The following ST8SIA1 variants were observed in gnomAD, a reference collection of about 807,000 sequenced individuals.
ST8SIA1 encodes the protein ST8 alpha-N-acetyl-neuraminide alpha-2,8-sialyltransferase 1, also known as alpha-N-acetylneuraminide alpha-2,8-sialyltransferase.
A neutral mutation model predicts 35.9 loss-of-function variants in ST8SIA1; 16 were observed. The observed-to-expected ratio is 0.45, with a 90% CI of 0.30 to 0.68. The LOEUF is 0.68. Among genes scored for constraint, ST8SIA1 ranks in the 30% least tolerant of loss-of-function variants. The probability of loss-of-function intolerance (pLI) is 0.09; values close to 1 mark genes in which losing one functional copy is unlikely to be tolerated. For synonymous variants in ST8SIA1, 170 were observed against 169.6 expected, an observed-to-expected ratio of 1.00 and a Z score of -0.02; for missense variants, 383 against 453.6, an observed-to-expected ratio of 0.84 and a Z score of 1.41.
intron 3 of ST8SIA1, among the ~76,000 whole-genome samples, chr12:22,251,993 A>G (rs1457772974): frequency 6.6e-6 from 1 of 152,188 alleles, no homozygotes; most frequent in Non-Finnish European, 1.5e-5. Flanking sequence ...GTTCCTTTTG[A>G]GGATGCAATC....
intron 3 of ST8SIA1, among the ~76,000 whole-genome samples, chr12:22,249,925 C>T (rs1367720433): frequency 6.6e-6 from 1 of 152,144 alleles, no homozygotes; most frequent in African/African-American, 2.4e-5. Flanking sequence ...GGGCCATGTA[C>T]TATTCACTTA....
intron 2 of ST8SIA1, among the ~76,000 whole-genome samples, chr12:22,274,077 C>T (rs1865942465): frequency 6.6e-6 from 1 of 152,110 alleles, no homozygotes; most frequent in Non-Finnish European, 1.5e-5. Context: ...ATGTGGAAAA[C>T]CTCTACAGAA....
chr12:22,202,152 A>G lies in ST8SIA1; in HGVS notation c.585-114T>C, dbSNP rs563075410. The stretch of plus-strand genomic sequence containing the variant: ...ACCTCAAATCATCTCAATGAAACAC[A>G]TGAAAAACACTTTATTTGTATTTAA... On this transcript the variant is annotated intron_variant, in intron 4 of 4. Coordinates refer to ENST00000396037, the MANE Select transcript of ST8SIA1 (RefSeq NM_003034.4). 38 of 857,640 alleles carry G rather than the reference A, an allele frequency of 4.4e-5. No homozygotes were observed. In the East Asian group the frequency reaches 9.2e-4, roughly 21 times the overall value. 53.1% of individuals were successfully genotyped at this position (857,640 alleles called of 1,614,324 possible). A position where few individuals can be genotyped will look rare whatever the true frequency, so the allele number is the denominator to read the frequency against.
At chr12:22,233,930 T>A (rs200444117) in intron 4 of ST8SIA1, among the ~76,000 whole-genome samples, 1 of 61,484 alleles carries the variant, frequency 1.6e-5, no homozygotes, top group Non-Finnish European at 3.3e-5. Context: ...ATTGGCAGAT[T>A]TTTTTGTTTA....
chr12:22,246,346 T>C (rs1865601698), intron 4 of ST8SIA1, among the ~76,000 whole-genome samples: 1 of 152,196 alleles, frequency 6.6e-6, no homozygotes, highest in East Asian at 1.9e-4. Flanking sequence ...TGTTGATTAT[T>C]CTGGGAAAAC....
chr12:22,201,878 G>A lies in ST8SIA1; in HGVS notation c.745C>T (p.Leu249=). ...LSDVGANQTV[L]FANPNFLRSI... ...CGCAGAAAGTTGGGGTTGGCAAACA[G>A]CACTGTTTGATTGGCACCAACATCT... The change falls in exon 5 of 5, where the codon CTG becomes TTG. Residue 249 remains leucine (L), a synonymous_variant. Coordinates refer to ENST00000396037, the MANE Select transcript of ST8SIA1 (RefSeq NM_003034.4). 6.2e-7 allele frequency: 1 copy of A among 1,614,128 alleles called. No homozygotes were observed. Among genetic ancestry groups the A allele is most frequent in the South Asian group, 1.1e-5 (1 of 91,088 alleles).
intron 1 of ST8SIA1, among the ~76,000 whole-genome samples, chr12:22,331,582 CT>C (rs1463950714): frequency 6.6e-6 from 1 of 152,158 alleles, no homozygotes; most frequent in African/African-American, 2.4e-5. Context: ...AAAGTTGTGT[CT>C]CCTTAACATG....
rs2120579484 is a variant in ST8SIA1, at chr12:22,194,790, A to C, written c.*6762T>G. 1 of 152,352 alleles carries C rather than the reference A, an allele frequency of 6.6e-6. No individual in the cohort carries two copies. Among genetic ancestry groups the C allele is most frequent in the Admixed American group, 6.5e-5 (1 of 15,300 alleles). The allele number at this position is 152,352 out of a possible 1,614,324, so 9.4% of individuals were successfully genotyped here. A position where few individuals can be genotyped will look rare whatever the true frequency, so the allele number is the denominator to read the frequency against. On this transcript the variant is annotated 3_prime_UTR_variant, in exon 5 of 5. Transcript: ENST00000396037. The stretch of plus-strand genomic sequence containing the variant: ...CCCACTTTCCAAGGGTGAGGGTCAA[A>C]GTGACACTTGCTGCTATCACTGCCT...
intron 1 of ST8SIA1, chr12:22,326,336 C>T (rs894775236): frequency 6.5e-6 from 1 of 154,642 alleles, no homozygotes; most frequent in Non-Finnish European, 1.4e-5. Context: ...ACCCTCAGCA[C>T]TAACTCTGTG....
chr12:22,217,280 A>G (rs1368773225), intron 4 of ST8SIA1, among the ~76,000 whole-genome samples: 6 of 152,220 alleles, frequency 3.9e-5, no homozygotes, highest in Admixed American at 6.5e-5. Context: ...AATTAAGGCC[A>G]TACTAAACTT....
intron 4 of ST8SIA1, among the ~76,000 whole-genome samples, chr12:22,203,828 T>C (rs75483946): frequency 6.6e-6 from 1 of 152,116 alleles, no homozygotes; most frequent in Non-Finnish European, 1.5e-5. Context: ...ACTGTGTAGA[T>C]AACCTGCTAC....
chr12:22,308,257 G>T lies in ST8SIA1; in HGVS notation c.237-20964C>A, dbSNP rs73257805. ...AACTTTTAAGAGCTATTAAAAATTT[G>T]AAAGTTATAGATGCTTGTTATAGAA... On this transcript the variant is annotated intron_variant, in intron 1 of 4. Transcript: ENST00000396037. Among the ~76,000 whole-genome samples the T allele has an allele frequency of 4.4e-4, 67 of 152,208 alleles. 1 individual carries two copies. Among genetic ancestry groups the T allele is most frequent in the African/African-American group, 1.6e-3 (65 of 41,522 alleles).
intron 1 of ST8SIA1, among the ~76,000 whole-genome samples, chr12:22,295,542 G>T (rs2135821589): frequency 6.6e-6 from 1 of 152,058 alleles, no homozygotes; most frequent in South Asian, 2.1e-4. Flanking sequence ...AGACCAGCCT[G>T]GGCAACATGG....
intron 4 of ST8SIA1, among the ~76,000 whole-genome samples, chr12:22,246,695 G>C (rs377206226): frequency 6.6e-6 from 1 of 152,026 alleles, no homozygotes; most frequent in Non-Finnish European, 1.5e-5. Flanking sequence ...TTGAGAGCAC[G>C]GGCTTTGGAA....
At chr12:22,303,889 A>ACACACAC (rs1273666783) in intron 1 of ST8SIA1, among the ~76,000 whole-genome samples, 2 of 107,812 alleles carry the variant, frequency 1.9e-5, no homozygotes, top group Non-Finnish European at 4.0e-5. Context: ...CACACACACA[A>ACACACAC]AAGTGGTGTG....
rs545696924 is a variant in ST8SIA1, at chr12:22,233,368, A to AT, written c.584+15637dup. On this transcript the variant is annotated intron_variant, in intron 4 of 4. Coordinates refer to ENST00000396037, the MANE Select transcript of ST8SIA1 (RefSeq NM_003034.4). ...TAAGAGTAGAGTACTGTGGTGGTGT[A>AT]TTTTTTTTTTTAACATTTACTGAGC... Among the ~76,000 whole-genome samples the AT allele has an allele frequency of 2.9e-3, 422 of 147,672 alleles. 1 individual carries two copies. Among genetic ancestry groups the AT allele is most frequent in the African/African-American group, 8.3e-3 (334 of 40,454 alleles).
In ST8SIA1 at chr12:22,193,915, C is replaced by T. The variant is rs951595864; in HGVS notation, c.*7637G>A. ...CTTAACTCCAGCCTCAAACTTTGCT[C>T]TTGAGAAATAGTTTGCACACATGTG... On this transcript the variant is annotated 3_prime_UTR_variant, in exon 5 of 5. Coordinates refer to ENST00000396037, the MANE Select transcript of ST8SIA1 (RefSeq NM_003034.4). 1 of 152,116 alleles carries T rather than the reference C, an allele frequency of 6.6e-6. No individual in the cohort carries two copies. The highest frequency in any genetic ancestry group is 2.4e-5 in the African/African-American group (1 of 41,420). 9.4% of individuals were successfully genotyped at this position (152,116 alleles called of 1,614,324 possible).
intron 4 of ST8SIA1, among the ~76,000 whole-genome samples, chr12:22,207,269 T>A (rs961062626): frequency 4.6e-5 from 7 of 152,246 alleles, no homozygotes; most frequent in African/African-American, 1.7e-4. Flanking sequence ...TTATCTCAGA[T>A]GTGAACTACA....
chr12:22,229,022 C>A (rs1361848088), intron 4 of ST8SIA1, among the ~76,000 whole-genome samples: 2 of 139,610 alleles, frequency 1.4e-5, no homozygotes, highest in Non-Finnish European at 3.0e-5. Flanking sequence ...CCACTGCACT[C>A]CAGCCTGGGT....
Sources: allele counts gnomAD v4.1 joint callset (sites outside exome capture counted in the v4.1 genomes callset), GRCh38; gene constraint gnomAD v4.1.1; transcripts MANE v1.5; gene names NCBI Gene and HGNC (gene_info 2026-07-23, HGNC 2026-07-21).